Variants in ITGB1 observed in about 807,000 individuals in gnomAD.
The protein encoded by ITGB1 is integrin subunit beta 1.
Under a neutral mutation model 86.5 loss-of-function variants are expected in ITGB1, and 24 were observed. That is an observed-to-expected ratio of 0.28 (90% CI 0.20 to 0.39). The LOEUF (loss-of-function observed/expected upper bound fraction) is 0.39, where lower values mean the gene tolerates loss of function less well. ITGB1 is among the 10% of genes least tolerant of loss of function. ITGB1 has a pLI of 1.00. For synonymous variants in ITGB1, 323 were observed against 316.8 expected (o/e 1.02, Z -0.21); for missense variants, 556 against 946.9 (o/e 0.59, Z 5.42).
chr10:32,909,477 G>A (rs1477846652), intron 14 of ITGB1, among the ~76,000 whole-genome samples: 1 of 151,960 alleles, frequency 6.6e-6, no homozygotes, highest in Non-Finnish European at 1.5e-5. Flanking sequence ...AGAAAAACTT[G>A]GTAAACTGTA....
chr10:32,918,586 T>C (rs1391313682), intron 11 of ITGB1, among the ~76,000 whole-genome samples: 2 of 151,830 alleles, frequency 1.3e-5, no homozygotes, highest in African/African-American at 4.8e-5. Context: ...TATGCAAGAG[T>C]CTAGGAAAAA....
chr10:32,949,480 T>C (rs1199732766), intron 1 of ITGB1, among the ~76,000 whole-genome samples: 2 of 152,162 alleles, frequency 1.3e-5, no homozygotes, highest in Non-Finnish European at 2.9e-5. Flanking sequence ...TTGAACTTAA[T>C]AGAGGCCAAG....
intron 1 of ITGB1, among the ~76,000 whole-genome samples, chr10:32,938,721 T>G (rs1372681099): frequency 2.0e-5 from 3 of 152,194 alleles, no homozygotes; most frequent in African/African-American, 7.2e-5. Flanking sequence ...GACTGGCGAC[T>G]GGCGGGGCAC....
chr10:32,939,006 C>T (rs902944329), intron 1 of ITGB1, among the ~76,000 whole-genome samples: 6 of 152,138 alleles, frequency 3.9e-5, no homozygotes, highest in Non-Finnish European at 8.8e-5. Context: ...CCTGCACATG[C>T]GCATGGAAGG....
chr10:32,939,086 G>A (rs1333476863), intron 1 of ITGB1, among the ~76,000 whole-genome samples: 1 of 152,190 alleles, frequency 6.6e-6, no homozygotes, highest in South Asian at 2.1e-4. Context: ...TGGGCCTAGA[G>A]AACAACTGCA....
chr10:32,903,947 A>G (rs1232102013), intron 15 of ITGB1, among the ~76,000 whole-genome samples: 3 of 151,962 alleles, frequency 2.0e-5, no homozygotes, highest in African/African-American at 7.2e-5. Context: ...AAATTTCTTT[A>G]ATACAATATA....
At chr10:32,935,457 A>C in intron 2 of ITGB1, 35 bp downstream of exon 2, 8 of 1,400,550 alleles carry the variant, frequency 5.7e-6, no homozygotes, top group Non-Finnish European at 8.1e-6. Flanking sequence ...AGATACGGAA[A>C]TGAAAAGACA....
At chr10:32,917,062 G>C (rs2094934193) in intron 11 of ITGB1, among the ~76,000 whole-genome samples, 1 of 152,054 alleles carries the variant, frequency 6.6e-6, no homozygotes, top group Non-Finnish European at 1.5e-5. Context: ...TCTGATCTTT[G>C]ACAAACCTGA....
At chr10:32,917,038 C>T (rs1414451319) in intron 11 of ITGB1, among the ~76,000 whole-genome samples, 1 of 152,146 alleles carries the variant, frequency 6.6e-6, no homozygotes, top group African/African-American at 2.4e-5. Context: ...AATAATACCA[C>T]ACATCTACAA....
intron 1 of ITGB1, among the ~76,000 whole-genome samples, chr10:32,938,092 T>C (rs1209492201): frequency 6.6e-6 from 1 of 152,230 alleles, no homozygotes; most frequent in African/African-American, 2.4e-5. Flanking sequence ...CTTGTGACTG[T>C]ATCCAAGAGA....
intron 1 of ITGB1, among the ~76,000 whole-genome samples, chr10:32,954,550 AG>A (rs2095048720): frequency 6.6e-6 from 1 of 152,224 alleles, no homozygotes; most frequent in Non-Finnish European, 1.5e-5. Flanking sequence ...CAATATAGTA[AG>A]ATTATCAATC....
At chr10:32,910,588 A>G in intron 13 of ITGB1, 133 bp from the exon 14 acceptor site, 2 of 580,080 alleles carry the variant, frequency 3.4e-6, no homozygotes, top group Non-Finnish European at 6.1e-6. Context: ...TCAATAAATG[A>G]AGAGGAACAT....
At position 32,922,663 on chromosome 10, in the gene ITGB1, C is replaced by T; in HGVS notation, c.1015G>A (p.Glu339Lys). The T allele has an allele frequency of 1.3e-6, 2 of 1,599,248 alleles. No individual in the cohort carries two copies. The highest frequency in any genetic ancestry group is 1.1e-5 in the South Asian group (1 of 90,120). The change falls in exon 8 of 16, where the codon GAA becomes AAA. Residue 339 changes from glutamate to lysine, a missense_variant. Physicochemically the swap from Glu to Lys is moderately conservative, Grantham distance 56. Around this residue, in one of 4 missense-constraint regions of ITGB1, gnomAD observed 330 missense variants for 531.5 expected, o/e 0.62. Coordinates refer to ENST00000302278, the MANE Select transcript of ITGB1 (RefSeq NM_002211.4). ...ACCTTGTAAACAGGCTGAAATTCTTCAGTAACTGCAAAAATTGTCTGAATA... is the reference window on the plus strand; with the variant it reads ...ACCTTGTAAACAGGCTGAAATTCTTTAGTAACTGCAAAAATTGTCTGAATA... ...NNIQTIFAVT[E>K]EFQPVYKELK...
rs538613111 is a variant in ITGB1 at position 32,956,352 on chromosome 10, T to C, written c.-1+1793A>G. The stretch of plus-strand genomic sequence containing the variant: ...TATGTGGTTTAAGAAAGGTGTCTAA[T>C]CTAAATTCCTCTAGCATGTTATTTT... On this transcript the variant is annotated intron_variant, in intron 1 of 15. Transcript: ENST00000302278. Among the ~76,000 whole-genome samples the C allele has an allele frequency of 3.3e-5, 5 of 151,344 alleles. No individual in the cohort carries two copies. The South Asian group carries it at 1.0e-3, about 32-fold the overall frequency.
chr10:32,939,085 A>G (rs995703124), intron 1 of ITGB1, among the ~76,000 whole-genome samples: 5 of 152,224 alleles, frequency 3.3e-5, no homozygotes, highest in Non-Finnish European at 7.3e-5. Context: ...GTGGGCCTAG[A>G]GAACAACTGC....
Position 32,910,434 on chromosome 10 carries a change from G to A in ITGB1, c.1953C>T (p.Ala651=). The change falls in exon 14 of 16, where the codon GCC becomes GCT. Residue 651 remains alanine, a synonymous_variant. Coordinates refer to ENST00000302278, the MANE Select transcript of ITGB1 (RefSeq NM_002211.4). The stretch of plus-strand genomic sequence containing the variant: ...TGTCTTTCTTTTCTCCTTTATTGAA[G>A]GCTCTGCACTGAACACATTCTCTGT... ...AEHKECVQCR[A]FNKGEKKDTC... 1.3e-6 allele frequency: 2 copies of A among 1,582,050 alleles called. No homozygotes were observed. Among genetic ancestry groups the A allele is most frequent in the Non-Finnish European group, 1.7e-6 (2 of 1,158,926 alleles).
chr10:32,930,714 T>C (rs2094980753), intron 3 of ITGB1, among the ~76,000 whole-genome samples: 1 of 152,110 alleles, frequency 6.6e-6, no homozygotes, highest in Non-Finnish European at 1.5e-5. Flanking sequence ...TAAAAGGTCC[T>C]AATGGCAGGT....
chr10:32,907,210 C>G, intron 15 of ITGB1: 1 of 586,670 alleles, frequency 1.7e-6, no homozygotes, highest in Admixed American at 2.7e-5. Flanking sequence ...AGTGTTTGAA[C>G]ACTATAAATG....
chr10:32,937,422 G>A (rs1347059867), intron 1 of ITGB1, among the ~76,000 whole-genome samples: 1 of 152,036 alleles, frequency 6.6e-6, no homozygotes, highest in Non-Finnish European at 1.5e-5. Flanking sequence ...TGGGTGTGGT[G>A]GCATACTCCT....
Sources: allele counts gnomAD v4.1 joint callset (sites outside exome capture counted in the v4.1 genomes callset), GRCh38; gene constraint gnomAD v4.1.1; regional missense constraint gnomAD v4.1.1; transcripts MANE v1.5; gene names NCBI Gene and HGNC (gene_info 2026-07-23, HGNC 2026-07-21).